FAM133B: variants seen among roughly 807,000 people sequenced by gnomAD.
The protein encoded by FAM133B is protein FAM133B.
A neutral mutation model predicts 46.4 loss-of-function variants in FAM133B; 25 were observed. That is an observed-to-expected ratio of 0.54 (90% confidence interval 0.39 to 0.75). FAM133B has a LOEUF of 0.75. Ranked by LOEUF, FAM133B falls within the 30% of genes least tolerant of loss-of-function variation. FAM133B has a pLI of 0.00. For synonymous variants in FAM133B, 75 were observed against 86.0 expected (o/e 0.87, Z 0.71); for missense variants, 205 against 277.6 (o/e 0.74, Z 1.86).
intron 3 of FAM133B, among the ~76,000 whole-genome samples, chr7:92,578,672 G>A (rs1284894167): frequency 6.6e-6 from 1 of 152,126 alleles, no homozygotes; most frequent in Non-Finnish European, 1.5e-5. Context: ...CAACAAAGAT[G>A]GCTAGATTCT....
chr7:92,575,654 A>C (rs1379134861), intron 8 of FAM133B, 117 bp downstream of exon 8: 1 of 487,312 alleles, frequency 2.1e-6, no homozygotes, highest in Non-Finnish European at 3.5e-6. Context: ...AATTGAAACA[A>C]AATATTACAA....
intron 1 of FAM133B, 72 bp from the exon 2 acceptor site, chr7:92,581,675 T>G: frequency 1.8e-6 from 2 of 1,126,868 alleles, no homozygotes; most frequent in Admixed American, 1.8e-5. Flanking sequence ...ACTCATCAAG[T>G]AATCTTTACT....
chr7:92,575,430 A>AC (rs1794664610), intron 8 of FAM133B, among the ~76,000 whole-genome samples: 2 of 152,112 alleles, frequency 1.3e-5, no homozygotes, highest in African/African-American at 4.8e-5. Context: ...CTGAAACGGC[A>AC]CCACTGTACT....
intron 1 of FAM133B, chr7:92,589,932 G>T: frequency 2.4e-6 from 1 of 412,282 alleles, no homozygotes; most frequent in South Asian, 3.0e-5. Context: ...GTTACATGGC[G>T]GGGCCAGGTG....
At chr7:92,568,361 T>G (rs1051521450) in intron 9 of FAM133B, among the ~76,000 whole-genome samples, 4 of 152,014 alleles carry the variant, frequency 2.6e-5, no homozygotes, top group Non-Finnish European at 1.5e-5. Context: ...TGTTACAGCA[T>G]TGACTGATTG....
At chr7:92,577,288 T>C in intron 6 of FAM133B, 93 bp from the exon 7 acceptor site, 4 of 788,116 alleles carry the variant, frequency 5.1e-6, no homozygotes, top group Non-Finnish European at 7.5e-6. Flanking sequence ...TGAACAAAAT[T>C]TCACAAAAGG....
chr7:92,589,895 A>C (rs185849948), intron 1 of FAM133B: 9 of 251,370 alleles, frequency 3.6e-5, no homozygotes, highest in East Asian at 1.7e-4. Flanking sequence ...GGTGAGTCGG[A>C]TGCGTCCAAG....
At position 92,561,584 on chromosome 7, in the gene FAM133B, C is replaced by T. The variant is rs1794157718; in HGVS notation, c.*698G>A. 6.6e-6 allele frequency: 1 copy of T among 151,734 alleles called. No homozygotes were observed. Among genetic ancestry groups the T allele is most frequent in the Admixed American group, 6.6e-5 (1 of 15,160 alleles). 9.4% of individuals were successfully genotyped at this position (151,734 alleles called of 1,614,324 possible). On this transcript the variant is annotated 3_prime_UTR_variant, in exon 11 of 11. Transcript: ENST00000445716. Reference sequence around the variant, plus strand: ...TAAATCCCAGAGCTTTTGGGGCTTTCTCATGCTGCAAATGGCTGTTTCTCT... The same window carrying T: ...TAAATCCCAGAGCTTTTGGGGCTTTTTCATGCTGCAAATGGCTGTTTCTCT...
chr7:92,566,577 G>C (rs1794356559), intron 9 of FAM133B, among the ~76,000 whole-genome samples: 1 of 152,216 alleles, frequency 6.6e-6, no homozygotes, highest in Non-Finnish European at 1.5e-5. Flanking sequence ...AGGAGGTTGA[G>C]GCTGCAGTGA....
At chr7:92,589,662 A>G (rs935890629) in intron 1 of FAM133B, among the ~76,000 whole-genome samples, 2 of 152,192 alleles carry the variant, frequency 1.3e-5, no homozygotes, top group African/African-American at 2.4e-5. Flanking sequence ...TTTTCACGCC[A>G]TTCATTCCCT....
chr7:92,575,748 A>C lies in FAM133B; in HGVS notation c.516+23T>G, dbSNP rs1360490230. 3 of 1,293,694 alleles carry C rather than the reference A, an allele frequency of 2.3e-6. No homozygotes were observed. The African/African-American group carries it at 4.4e-5, about 19-fold the overall frequency. The allele number at this position is 1,293,694 out of a possible 1,614,324, so 80.1% of individuals were successfully genotyped here. On this transcript the variant is annotated intron_variant, in intron 8 of 10. Coordinates refer to ENST00000445716, the MANE Select transcript of FAM133B (RefSeq NM_152789.4). ...AAGTATTATATGACAGACTATCTTAAGGCAATGTAAAAGTATAGTTACCTT... is the reference window on the plus strand; with the variant it reads ...AAGTATTATATGACAGACTATCTTACGGCAATGTAAAAGTATAGTTACCTT...
In FAM133B at chr7:92,585,939, T is replaced by C. The variant is rs552096690; in HGVS notation, c.24+4329A>G. On this transcript the variant is annotated intron_variant, in intron 1 of 10. Coordinates refer to ENST00000445716, the MANE Select transcript of FAM133B (RefSeq NM_152789.4). ...TCCTTATGTAAAAATTCACAGATAA[T>C]GCAGTGGCAATTTTTCATTCTAATG... 3.3e-5 allele frequency among the ~76,000 whole-genome samples: 5 copies of C among 152,310 alleles called. No homozygotes were observed. The East Asian group carries it at 9.6e-4, about 29-fold the overall frequency.
In FAM133B at chr7:92,577,678, T is replaced by C. The variant is rs1420065072; in HGVS notation, c.349A>G (p.Ser117Gly). ...SSSSSSDSSS[S>G]SSDSEDEDKK... The stretch of plus-strand genomic sequence containing the variant: ...ACCTCATCTTCAGAATCAGAAGAAC[T>C]GCTGGAAGAATCAGAGCTTGATGAA... The change falls in exon 6 of 11, where the codon AGT (serine) becomes GGT (glycine). Residue 117 changes from serine to glycine, a missense_variant. Coordinates refer to ENST00000445716, the MANE Select transcript of FAM133B (RefSeq NM_152789.4). 6.3e-7 allele frequency: 1 copy of C among 1,585,474 alleles called. No homozygotes were observed. The highest frequency in any genetic ancestry group is 8.6e-7 in the Non-Finnish European group (1 of 1,164,698).
chr7:92,577,657 C>G lies in FAM133B; in HGVS notation c.370G>C (p.Glu124Gln). 6.3e-7 allele frequency: 1 copy of G among 1,579,206 alleles called. No homozygotes were observed. The highest frequency in any genetic ancestry group is 2.3e-5 in the East Asian group (1 of 43,812). ...GAACCATTATAAGCAAACCTTACCT[C>G]ATCTTCAGAATCAGAAGAACTGCTG... is the stretch of plus-strand genomic sequence containing the variant. The part of the protein sequence containing the change: ...SSSSSSDSED[E>Q]DKKQGKRRKK... Residue 124 changes from glutamate (E) to glutamine (Q), a missense_variant and splice_region_variant, in exon 6 of 11, where the codon GAG becomes CAG. Physicochemically the swap from Glu to Gln is conservative, Grantham distance 29 (BLOSUM62 2). Transcript: ENST00000445716.
chr7:92,576,545 C>T (rs913867342), intron 7 of FAM133B, among the ~76,000 whole-genome samples: 2 of 152,096 alleles, frequency 1.3e-5, no homozygotes, highest in East Asian at 1.9e-4. Flanking sequence ...CCATAAACAC[C>T]CCAGTATCAG....
chr7:92,569,932 C>T lies in FAM133B; in HGVS notation c.517-17G>A, dbSNP rs1794478496. 8.5e-7 allele frequency: 1 copy of T among 1,171,334 alleles called. No individual in the cohort carries two copies. The allele number at this position is 1,171,334 out of a possible 1,614,324, so 72.6% of individuals were successfully genotyped here. ...TTTAATATCCTATGAAAAATAAATACATTTATCTTGACTCAGACATACTTT... is the reference window on the plus strand; with the variant it reads ...TTTAATATCCTATGAAAAATAAATATATTTATCTTGACTCAGACATACTTT... On this transcript the variant is annotated splice_polypyrimidine_tract_variant and intron_variant, in intron 8 of 10. Coordinates refer to ENST00000445716, the MANE Select transcript of FAM133B (RefSeq NM_152789.4).
chr7:92,585,979 A>G (rs537449616), intron 1 of FAM133B, among the ~76,000 whole-genome samples: 1 of 152,324 alleles, frequency 6.6e-6, no homozygotes, highest in South Asian at 2.1e-4. Flanking sequence ...AAATTATAAC[A>G]TTTACCATGT....
At chr7:92,578,542 C>T in intron 3 of FAM133B, 149 bp from the exon 4 acceptor site, 1 of 721,158 alleles carries the variant, frequency 1.4e-6, no homozygotes, top group Non-Finnish European at 2.4e-6. Flanking sequence ...AACACAGGTG[C>T]CAATCCTTGA....
rs189968972 is a variant in FAM133B at position 92,566,787 on chromosome 7, T to C, written c.610-726A>G. ...TACAGCAGGTATTTCTCTCACTCTA[T>C]GGTGCTCAACAAATGGTAGCTCTAT... is the stretch of plus-strand genomic sequence containing the variant. On this transcript the variant is annotated intron_variant, in intron 9 of 10. Coordinates refer to ENST00000445716, the MANE Select transcript of FAM133B (RefSeq NM_152789.4). Among the ~76,000 whole-genome samples the C allele has an allele frequency of 5.9e-5, 9 of 152,354 alleles. No homozygotes were observed. In the East Asian group the frequency reaches 1.5e-3, roughly 26 times the overall value.
Sources: gnomAD v4.1 joint callset for allele counts (sites outside exome capture counted in the v4.1 genomes callset) on GRCh38, gnomAD v4.1.1 for gene constraint, MANE v1.5 for transcripts, NCBI Gene and HGNC (gene_info 2026-07-23, HGNC 2026-07-21) for gene names.